The following NOD1 variants were observed in gnomAD, a reference collection of about 807,000 sequenced individuals.
NOD1 encodes the protein nucleotide binding oligomerization domain containing 1.
Under a neutral mutation model 81.2 loss-of-function variants are expected in NOD1, and 70 were observed. The observed-to-expected ratio is 0.86, with a 90% CI of 0.71 to 1.05. The LOEUF (loss-of-function observed/expected upper bound fraction) is 1.05. Ranked by LOEUF, NOD1 falls within the 50% of genes least tolerant of loss-of-function variation. The probability of loss-of-function intolerance (pLI) is 0.00; values close to 1 mark genes in which losing one functional copy is unlikely to be tolerated. For synonymous variants in NOD1, 508 were observed against 526.9 expected, an observed-to-expected ratio of 0.96 and a Z score of 0.49; for missense variants, 1,233 against 1,228.0, an observed-to-expected ratio of 1.00 and a Z score of -0.06.
At position 30,446,230 on chromosome 7, in the gene NOD1, G is replaced by C; in HGVS notation, c.2370-6C>G. On this transcript the variant is annotated splice_region_variant and splice_polypyrimidine_tract_variant and intron_variant, in intron 8 of 13. Coordinates refer to ENST00000222823, the MANE Select transcript of NOD1 (RefSeq NM_006092.4). ...TTATTTTGTTTTTTCCCAGTCTGCA[G>C]AGAGAGTCACACACAGTCAGCCTCC... 6.2e-7 allele frequency: 1 copy of C among 1,611,912 alleles called. No individual in the cohort carries two copies. Among genetic ancestry groups the C allele is most frequent in the Non-Finnish European group, 8.5e-7 (1 of 1,178,004 alleles).
chr7:30,474,844 G>A (rs1788617173), intron 1 of NOD1, among the ~76,000 whole-genome samples: 1 of 152,158 alleles, frequency 6.6e-6, no homozygotes, highest in Non-Finnish European at 1.5e-5. Context: ...ATACTTTATA[G>A]ACCCAACATC....
chr7:30,468,010 G>T (rs554198750), intron 1 of NOD1, among the ~76,000 whole-genome samples: 1 of 152,082 alleles, frequency 6.6e-6, no homozygotes, highest in Non-Finnish European at 1.5e-5. Context: ...CCTATATTTT[G>T]TTTTAAATTT....
intron 1 of NOD1, chr7:30,468,712 C>A: frequency 1.6e-6 from 1 of 612,510 alleles, no homozygotes; most frequent in Non-Finnish European, 2.0e-6. Flanking sequence ...GTGGGCTCCA[C>A]CAACCCCCAA....
At chr7:30,449,847 G>A (rs1399244789) in intron 6 of NOD1, among the ~76,000 whole-genome samples, 2 of 152,214 alleles carry the variant, frequency 1.3e-5, no homozygotes, top group African/African-American at 2.4e-5. Flanking sequence ...TTCACCTGGG[G>A]ACAGCAGGAA....
chr7:30,446,635 C>T (rs1396562583), intron 8 of NOD1: 1 of 399,222 alleles, frequency 2.5e-6, no homozygotes, highest in African/African-American at 2.0e-5. Context: ...GGCACACCTA[C>T]AGCAGGGCAA....
intron 12 of NOD1, among the ~76,000 whole-genome samples, chr7:30,431,346 G>T (rs963204358): frequency 6.6e-6 from 1 of 152,140 alleles, no homozygotes; most frequent in Non-Finnish European, 1.5e-5. Flanking sequence ...ACCCAGAATG[G>T]TCTAAACAAT....
At chr7:30,466,168 C>G (rs772554070) in intron 1 of NOD1, among the ~76,000 whole-genome samples, 2 of 152,314 alleles carry the variant, frequency 1.3e-5, no homozygotes, top group East Asian at 3.9e-4. Flanking sequence ...CCCACCCCTT[C>G]CTTGAAAACC....
chr7:30,429,382 T>G lies in NOD1; in HGVS notation c.2781A>C (p.Thr927=). The change falls in exon 13 of 14, where the codon ACA becomes ACC. Residue 927 remains threonine, a synonymous_variant. Transcript: ENST00000222823. Reference sequence around the variant, plus strand: ...AAACGCTGGGATCTTACCAAATCTCTGTTATGCCAGTGTTGCTCTGTAACG... The same window carrying G: ...AAACGCTGGGATCTTACCAAATCTCGGTTATGCCAGTGTTGCTCTGTAACG... ...ADALQSNTGI[T]EICLNGNLIK... is the part of the protein sequence containing the mutation. The G allele has an allele frequency of 6.2e-7, 1 of 1,613,668 alleles. No individual in the cohort carries two copies. The highest frequency in any genetic ancestry group is 8.5e-7 in the Non-Finnish European group (1 of 1,179,482).
intron 10 of NOD1, among the ~76,000 whole-genome samples, chr7:30,436,302 C>T (rs1035002516): frequency 1.3e-5 from 2 of 152,206 alleles, no homozygotes; most frequent in Non-Finnish European, 2.9e-5. Flanking sequence ...GGAAATGGGT[C>T]ATCAGCACAG....
intron 6 of NOD1, 127 bp from the exon 7 acceptor site, chr7:30,448,508 T>G: frequency 2.6e-6 from 2 of 774,986 alleles, no homozygotes. Flanking sequence ...CCCTGGAGAA[T>G]GGCCACAGCA....
chr7:30,426,996 T>C (rs1360000473), intron 13 of NOD1, among the ~76,000 whole-genome samples: 2 of 152,192 alleles, frequency 1.3e-5, no homozygotes, highest in Non-Finnish European at 2.9e-5. Context: ...ATTAAATAAT[T>C]ACGCAAATGA....
At chr7:30,477,616 GCA>G (rs1201940346) in intron 1 of NOD1, among the ~76,000 whole-genome samples, 3 of 152,076 alleles carry the variant, frequency 2.0e-5, no homozygotes, top group Non-Finnish European at 4.4e-5. Flanking sequence ...CCGGGTTCAA[GCA>G]ATTCTCCTGC....
At chr7:30,433,885 T>G (rs1439626687) in intron 11 of NOD1, among the ~76,000 whole-genome samples, 1 of 152,166 alleles carries the variant, frequency 6.6e-6, no homozygotes, top group African/African-American at 2.4e-5. Context: ...TTTAAGACAA[T>G]CAGACTTCTA....
rs999251292 is a variant in NOD1, at chr7:30,425,475, C to T, written c.*163G>A. ...GCGGGTACTTAGGGAGTTTGCCGAC[C>T]AGACCTTCTGCACAGGAAGCTGGCT... On this transcript the variant is annotated 3_prime_UTR_variant, in exon 14 of 14. Coordinates refer to ENST00000222823, the MANE Select transcript of NOD1 (RefSeq NM_006092.4). 3 of 636,270 alleles carry T rather than the reference C, an allele frequency of 4.7e-6. No homozygotes were observed. Among genetic ancestry groups the T allele is most frequent in the Non-Finnish European group, 5.7e-6 (2 of 351,508 alleles). 39.4% of individuals were successfully genotyped at this position (636,270 alleles called of 1,614,324 possible).
intron 13 of NOD1, 142 bp from the exon 14 acceptor site, chr7:30,425,852 C>CAGAT (rs1215854405): frequency 1.5e-6 from 1 of 689,496 alleles, no homozygotes; most frequent in Non-Finnish European, 2.6e-6. Context: ...ATACCCTTTG[C>CAGAT]AGATAGTTCC....
rs747063477 is a variant in NOD1, at chr7:30,433,185, G to GA, written c.2622-7dup. The GA allele has an allele frequency of 4.2e-5, 68 of 1,605,240 alleles. No individual in the cohort carries two copies. The highest frequency in any genetic ancestry group is 6.7e-5 in the African/African-American group (5 of 74,444). ...TGAGTTCATTTTGGGTCAGCCTAAG[G>GA]AAAAAAAAGGAAGTATTTACTCAAG... is the stretch of plus-strand genomic sequence containing the variant. On this transcript the variant is annotated splice_polypyrimidine_tract_variant and splice_region_variant and intron_variant, in intron 11 of 13. Transcript: ENST00000222823.
intron 7 of NOD1, chr7:30,447,643 G>A (rs1437931246): frequency 2.6e-5 from 4 of 155,944 alleles, no homozygotes; most frequent in Non-Finnish European, 4.3e-5. Context: ...GGCCACTGAG[G>A]CCCCAAGAAA....
At chr7:30,427,371 C>T (rs184949085) in intron 13 of NOD1, among the ~76,000 whole-genome samples, 4 of 152,198 alleles carry the variant, frequency 2.6e-5, no homozygotes, top group Admixed American at 2.6e-4. Flanking sequence ...GTACAGTTAA[C>T]AAGTCCAAGG....
intron 13 of NOD1, 133 bp downstream of exon 13, chr7:30,429,241 A>C: frequency 1.3e-6 from 1 of 777,480 alleles, no homozygotes. Context: ...TCTGTAAAAC[A>C]GAGGTAATAC....
Sources: allele counts gnomAD v4.1 joint callset (sites outside exome capture counted in the v4.1 genomes callset), GRCh38; gene constraint gnomAD v4.1.1; transcripts MANE v1.5; gene names NCBI Gene and HGNC (gene_info 2026-07-23, HGNC 2026-07-21).